WDR86: variants seen among roughly 807,000 people sequenced by gnomAD.
The protein encoded by WDR86 is WD repeat-containing protein 86.
Under a neutral mutation model 36.5 loss-of-function variants are expected in WDR86, and 30 were observed. The observed-to-expected ratio is 0.82, with a 90% CI of 0.61 to 1.11. The LOEUF (loss-of-function observed/expected upper bound fraction) is 1.11. Among genes scored for constraint, WDR86 ranks in the 50% most tolerant of loss-of-function variants. The pLI is 0.00. For missense variants in WDR86, 545 were observed against 561.2 expected (o/e 0.97, Z 0.29); for synonymous variants, 255 against 252.9 (o/e 1.01, Z -0.08).
At chr7:151,377,019 C>G, downstream of WDR86, 3 of 1,504,456 alleles carry the variant, frequency 2.0e-6, no homozygotes, top group Non-Finnish European at 2.7e-6. Flanking sequence ...TCACATAATT[C>G]ACTTACTCCT....
chr7:151,400,668 C>A (rs1800220521), intron 1 of WDR86, among the ~76,000 whole-genome samples: 1 of 152,240 alleles, frequency 6.6e-6, no homozygotes. Flanking sequence ...CAGGCGTGAG[C>A]CACTGCGCCC....
At chr7:151,396,312 C>G in intron 2 of WDR86, 116 bp from the exon 3 acceptor site, 1 of 1,214,312 alleles carries the variant, frequency 8.2e-7, no homozygotes, top group Non-Finnish European at 1.2e-6. Context: ...CTGTGTCTGC[C>G]CAGCTTGCCA....
exon 2 of WDR86, chr7:151,376,065 C>T: frequency 1.4e-6 from 1 of 706,286 alleles, no homozygotes; most frequent in Non-Finnish European, 2.6e-6. Flanking sequence ...CTCCCAGGCT[C>T]CAGGTGTAAC....
downstream of WDR86, among the ~76,000 whole-genome samples, chr7:151,373,931 C>T (rs531031165): frequency 1.3e-5 from 2 of 152,322 alleles, no homozygotes; most frequent in African/African-American, 4.8e-5. Flanking sequence ...CTCTGTGGCA[C>T]CTCTGCCATT....
chr7:151,400,182 C>T lies in WDR86; in HGVS notation c.223G>A (p.Ala75Thr), dbSNP rs750930575. The T allele has an allele frequency of 2.2e-5, 36 of 1,611,648 alleles. No homozygotes were observed. Among genetic ancestry groups the T allele is most frequent in the African/African-American group, 2.7e-5 (2 of 74,978 alleles). Reference sequence around the variant, plus strand: ...TCCCACCTCCTGATGGTGCAGTCGGCGCTGCATGTGAAGGCAGCCTCATCC... The same window carrying T: ...TCCCACCTCCTGATGGTGCAGTCGGTGCTGCATGTGAAGGCAGCCTCATCC... ...LEDEAAFTCS[A>T]DCTIRRWDVL... Residue 75 changes from alanine to threonine, a missense_variant, in exon 2 of 6, where the codon GCC becomes ACC. Physicochemically the swap from Ala to Thr is moderately conservative, Grantham distance 58. Coordinates refer to ENST00000334493, the MANE Select transcript of WDR86 (RefSeq NM_198285.3).
rs140471093 is a variant in WDR86, at chr7:151,405,855, C to T, written c.163+3572G>A. Among the ~76,000 whole-genome samples the T allele has an allele frequency of 5.7e-3, 873 of 152,284 alleles. 10 individuals are homozygous for T. The highest frequency in any genetic ancestry group is 0.02 in the African/African-American group (830 of 41,540). On this transcript the variant is annotated intron_variant, in intron 1 of 5. Transcript: ENST00000334493. This position sits in a 1 kb window ranked among gnomAD's most constrained non-coding sequence, Gnocchi z 4.7. ...AGGAAATTAACAACAATCCCCGCCC[C>T]CTCATGTTAGAAGACGAGGAAGCGT...
rs571787055 is a variant in WDR86 at position 151,405,373 on chromosome 7, G to A, written c.163+4054C>T. On this transcript the variant is annotated intron_variant, in intron 1 of 5. Coordinates refer to ENST00000334493, the MANE Select transcript of WDR86 (RefSeq NM_198285.3). The surrounding 1 kb of genome is among the most constrained non-coding windows in gnomAD (Gnocchi z 4.7). ...GCTGTTTCCAGGATGCAGTGGCTGC[G>A]TCCCCGACTCAGGCCCAGAAGAGGT... Among the ~76,000 whole-genome samples the A allele has an allele frequency of 6.6e-4, 101 of 152,246 alleles. No individual in the cohort carries two copies. Among genetic ancestry groups the A allele is most frequent in the African/African-American group, 2.1e-3 (86 of 41,556 alleles).
chr7:151,396,092 C>T lies in WDR86; in HGVS notation c.410G>A (p.Arg137His), dbSNP rs780957402. Residue 137 changes from arginine to histidine, a missense_variant, in exon 3 of 6, where the codon CGC becomes CAC. Transcript: ENST00000334493. ...GQMSREFRGH[R>H]NCVLTLAYSA... is the part of the protein sequence containing the mutation. Reference sequence around the variant, plus strand: ...GTAGGCTAGGGTCAGCACGCAGTTGCGGTGGCCCCGGAACTCCCGGGACAT... The same window carrying T: ...GTAGGCTAGGGTCAGCACGCAGTTGTGGTGGCCCCGGAACTCCCGGGACAT... 1.7e-5 allele frequency: 28 copies of T among 1,612,774 alleles called. 1 individual carries two copies. The South Asian group carries it at 2.0e-4, about 11-fold the overall frequency.
rs1308307505 is a variant in WDR86, at chr7:151,400,081, A to G, written c.305+19T>C. On this transcript the variant is annotated intron_variant, in intron 2 of 5. Transcript: ENST00000334493. ...CCTATGTATGGTGAGACTCAGCCCA[A>G]GCCCCCAGCCAGGCTGACCTGTTCA... 6 of 1,542,856 alleles carry G rather than the reference A, an allele frequency of 3.9e-6. No homozygotes were observed. The highest frequency in any genetic ancestry group is 3.5e-6 in the Non-Finnish European group (4 of 1,140,958).
chr7:151,394,620 C>T (rs954590267), intron 3 of WDR86, among the ~76,000 whole-genome samples: 5 of 152,330 alleles, frequency 3.3e-5, no homozygotes. Flanking sequence ...CCAGGCACAC[C>T]GTTAGGTCCT....
At chr7:151,374,073 T>A, downstream of WDR86, 1 of 1,542,494 alleles carries the variant, frequency 6.5e-7, no homozygotes, top group Non-Finnish European at 8.8e-7. Context: ...TAACTTGGGA[T>A]GGGACTTTGC....
chr7:151,402,070 A>AAAAAAAAAATAT, intron 1 of WDR86, among the ~76,000 whole-genome samples: 6 of 50,532 alleles, frequency 1.2e-4, no homozygotes, highest in African/African-American at 5.9e-4. Flanking sequence ...AAAAAAAAAA[A>AAAAAAAAAATAT]ATATATATAT....
downstream of WDR86, chr7:151,377,157 G>A (rs1798339370): frequency 1.3e-6 from 2 of 1,590,210 alleles, no homozygotes; most frequent in South Asian, 1.1e-5. Context: ...TCTGGAAGAT[G>A]AAGAAATTAT....
chr7:151,376,696 C>T (rs769932747), downstream of WDR86: 7 of 1,610,096 alleles, frequency 4.3e-6, no homozygotes, highest in South Asian at 2.2e-5. Context: ...TCAGAGGCAA[C>T]GTCCAGCTGG....
At chr7:151,375,941 C>G (rs749132094) in exon 2 of WDR86, 1 of 1,604,952 alleles carries the variant, frequency 6.2e-7, no homozygotes, top group Non-Finnish European at 8.5e-7. Flanking sequence ...AAACATTGAC[C>G]GAGTGAGTGA....
intron 4 of WDR86, among the ~76,000 whole-genome samples, chr7:151,383,530 T>A (rs945535421): frequency 6.6e-5 from 10 of 151,536 alleles, no homozygotes; most frequent in African/African-American, 1.9e-4. Context: ...TTGCTCAGGC[T>A]GGTCTTGAAC....
At chr7:151,385,044 G>A in intron 4 of WDR86, 44 bp downstream of exon 4, 1 of 1,537,214 alleles carries the variant, frequency 6.5e-7, no homozygotes, top group Non-Finnish European at 8.8e-7. Context: ...GAGAGGAGAA[G>A]CCAGGCTGGG....
intron 1 of WDR86, among the ~76,000 whole-genome samples, chr7:151,402,070 A>AAAAT: frequency 5.5e-4 from 28 of 50,512 alleles, no homozygotes; most frequent in African/African-American, 1.1e-3. Context: ...AAAAAAAAAA[A>AAAAT]ATATATATAT....
At position 151,409,637 on chromosome 7, in the gene WDR86, G is replaced by A; in HGVS notation, c.-48C>T. ...AGAAGGAGCTGCGCCCCGCTAGGGA[G>A]GGGCGCCCCGGGGTCCGCGCGGCGG... On this transcript the variant is annotated 5_prime_UTR_variant, in exon 1 of 6. Coordinates refer to ENST00000334493, the MANE Select transcript of WDR86 (RefSeq NM_198285.3). The surrounding 1 kb of genome is among the most constrained non-coding windows in gnomAD (Gnocchi z 5.2). 1 of 1,322,286 alleles carries A rather than the reference G, an allele frequency of 7.6e-7. No individual in the cohort carries two copies. Among genetic ancestry groups the A allele is most frequent in the Non-Finnish European group, 9.6e-7 (1 of 1,040,142 alleles). 81.9% of individuals were successfully genotyped at this position (1,322,286 alleles called of 1,614,324 possible).
Sources: allele counts gnomAD v4.1 joint callset (sites outside exome capture counted in the v4.1 genomes callset), GRCh38; gene constraint gnomAD v4.1.1; non-coding constraint Gnocchi (gnomAD v3.1); transcripts MANE v1.5; gene names NCBI Gene and HGNC (gene_info 2026-07-23, HGNC 2026-07-21).